The following DLGAP1 variants were observed in gnomAD, a reference collection of about 807,000 sequenced individuals.
DLGAP1 encodes disks large-associated protein 1.
A neutral mutation model predicts 90.8 loss-of-function variants in DLGAP1; 11 were observed. The ratio of observed to expected loss-of-function variants is 0.12; its 90% confidence interval spans 0.08 to 0.20. DLGAP1 has a LOEUF of 0.20. Among genes scored for constraint, DLGAP1 ranks in the 10% least tolerant of loss-of-function variants. The pLI, the probability that DLGAP1 is intolerant of heterozygous loss-of-function variation, is 1.00. For synonymous variants in DLGAP1, 558 were observed against 540.7 expected, an observed-to-expected ratio of 1.03 and a Z score of -0.44; for missense variants, 1,050 against 1,333.8, an observed-to-expected ratio of 0.79 and a Z score of 3.31.
intron 1 of DLGAP1, among the ~76,000 whole-genome samples, chr18:4,431,700 T>C (rs968444470): frequency 6.6e-6 from 1 of 152,208 alleles, no homozygotes; most frequent in Non-Finnish European, 1.5e-5. Context: ...TATTAATGAG[T>C]ACTTCTATTT....
chr18:3,534,460 G>C lies in DLGAP1; in HGVS notation c.2213C>G (p.Thr738Arg). ...RQFSRDASTSTVSIQGSGNHY... is the reference protein window; with the variant it reads ...RQFSRDASTSRVSIQGSGNHY... ...GTTTCCTGAGCCCTGAATGCTGACT[G>C]TGGAGGTGCTGGCATCGCGGGAGAA... The change falls in exon 10 of 13, where the codon ACA becomes AGA. Residue 738 changes from threonine (T) to arginine (R), a missense_variant. Physicochemically the swap from Thr to Arg is moderately conservative, Grantham distance 71 (BLOSUM62 -1). This residue lies in a region of DLGAP1 where 565 missense variants were observed against 879.7 expected (regional missense o/e 0.64). Coordinates refer to ENST00000315677, the MANE Select transcript of DLGAP1 (RefSeq NM_004746.4). 6.2e-7 allele frequency: 1 copy of C among 1,614,200 alleles called. No individual in the cohort carries two copies. The highest frequency in any genetic ancestry group is 8.5e-7 in the Non-Finnish European group (1 of 1,180,034).
At chr18:3,798,058 T>TA (rs1330988956) in intron 5 of DLGAP1, among the ~76,000 whole-genome samples, 24 of 152,214 alleles carry the variant, frequency 1.6e-4, no homozygotes, top group Admixed American at 3.3e-4. Flanking sequence ...GTGAGTCCAT[T>TA]AAACCTCTTT....
At chr18:3,837,254 T>C (rs879609928) in intron 4 of DLGAP1, among the ~76,000 whole-genome samples, 1 of 152,206 alleles carries the variant, frequency 6.6e-6, no homozygotes, top group Non-Finnish European at 1.5e-5. Flanking sequence ...TCCATTATGA[T>C]GAATTAGCTT....
chr18:3,768,207 C>T (rs961591764), intron 5 of DLGAP1, among the ~76,000 whole-genome samples: 1 of 152,086 alleles, frequency 6.6e-6, no homozygotes, highest in Non-Finnish European at 1.5e-5. Flanking sequence ...TTTACAACTG[C>T]TTAGAAAATA....
At chr18:3,771,259 T>G (rs369710936) in intron 5 of DLGAP1, 9 of 152,314 alleles carry the variant, frequency 5.9e-5, no homozygotes, top group African/African-American at 2.2e-4. Context: ...TCCGCTCTTG[T>G]TCTTCTCTCT....
At chr18:3,858,994 G>C (rs1178556501) in intron 4 of DLGAP1, among the ~76,000 whole-genome samples, 2 of 152,282 alleles carry the variant, frequency 1.3e-5, no homozygotes, top group South Asian at 2.1e-4. Flanking sequence ...TATATTTTAA[G>C]TGAGATGTTA....
chr18:4,279,861 T>C (rs1223060880), intron 1 of DLGAP1, among the ~76,000 whole-genome samples: 1 of 152,208 alleles, frequency 6.6e-6, no homozygotes, highest in Non-Finnish European at 1.5e-5. Flanking sequence ...CTAATTTTAT[T>C]GATGTTATTT....
intron 4 of DLGAP1, among the ~76,000 whole-genome samples, chr18:3,850,010 G>A (rs1054284496): frequency 2.0e-5 from 3 of 152,092 alleles, no homozygotes; most frequent in Non-Finnish European, 2.9e-5. Flanking sequence ...ACACTGTGAT[G>A]CCATTAAGGC....
intron 5 of DLGAP1, among the ~76,000 whole-genome samples, chr18:3,759,031 C>G (rs1165421807): frequency 6.6e-6 from 1 of 152,148 alleles, no homozygotes; most frequent in African/African-American, 2.4e-5. Context: ...GAGGAACAAA[C>G]TCCTATAGAC....
rs187247231 is a variant in DLGAP1 at position 4,319,925 on chromosome 18, T to C, written c.-267+135081A>G. Among the ~76,000 whole-genome samples, 143 of 152,248 alleles carry C rather than the reference T, an allele frequency of 9.4e-4. 1 individual carries two copies. Among genetic ancestry groups the C allele is most frequent in the African/African-American group, 3.3e-3 (137 of 41,550 alleles). On this transcript the variant is annotated intron_variant, in intron 1 of 12. Transcript: ENST00000315677. Reference sequence around the variant, plus strand: ...ATTCTGAGGCCTCTCCAACCACTCATTCTGGGGTCTCAGCCCTCCCACTCT... The same window carrying C: ...ATTCTGAGGCCTCTCCAACCACTCACTCTGGGGTCTCAGCCCTCCCACTCT...
intron 5 of DLGAP1, among the ~76,000 whole-genome samples, chr18:3,772,331 C>CTTTTCTTTCT (rs1457327435): frequency 1.9e-5 from 1 of 53,322 alleles, no homozygotes; most frequent in Non-Finnish European, 4.4e-5. Flanking sequence ...CCTTTCTCTC[C>CTTTTCTTTCT]TTCTCTCTCT....
chr18:3,941,601 T>A (rs1286738329), intron 3 of DLGAP1, among the ~76,000 whole-genome samples: 6 of 152,190 alleles, frequency 3.9e-5, no homozygotes, highest in African/African-American at 1.4e-4. Context: ...GAGAGAAATA[T>A]CTTCTTTATC....
chr18:4,375,616 T>A (rs548615589), intron 1 of DLGAP1, among the ~76,000 whole-genome samples: 1 of 152,150 alleles, frequency 6.6e-6, no homozygotes, highest in Non-Finnish European at 1.5e-5. Flanking sequence ...CTAGATTGAT[T>A]TGATTTCAAC....
intron 9 of DLGAP1, among the ~76,000 whole-genome samples, chr18:3,550,192 G>A (rs546170541): frequency 7.2e-5 from 11 of 152,208 alleles, no homozygotes; most frequent in East Asian, 5.8e-4. Context: ...AGTTACAGGC[G>A]TGAGCCACCA....
chr18:3,679,305 T>TA (rs1419838000), intron 7 of DLGAP1, among the ~76,000 whole-genome samples: 2 of 150,060 alleles, frequency 1.3e-5, no homozygotes, highest in African/African-American at 4.9e-5. Context: ...TTTTCCAACA[T>TA]AAAAAACAGT....
intron 1 of DLGAP1, among the ~76,000 whole-genome samples, chr18:4,265,670 TTCC>T (rs2079113190): frequency 2.6e-5 from 2 of 76,318 alleles, no homozygotes; most frequent in Non-Finnish European, 4.2e-5. Flanking sequence ...CCTCCCTTCC[TTCC>T]TTCCTTCCTT....
At chr18:4,415,345 T>C (rs1369926081) in intron 1 of DLGAP1, among the ~76,000 whole-genome samples, 1 of 152,196 alleles carries the variant, frequency 6.6e-6, no homozygotes, top group East Asian at 1.9e-4. Flanking sequence ...ACATGTGATA[T>C]GACAATGTTT....
intron 1 of DLGAP1, among the ~76,000 whole-genome samples, chr18:4,284,438 T>C (rs891170384): frequency 6.6e-6 from 1 of 152,112 alleles, no homozygotes; most frequent in African/African-American, 2.4e-5. Flanking sequence ...AACAAGGAGC[T>C]CTTGAGTTCG....
chr18:4,189,927 T>A (rs928895701), intron 1 of DLGAP1, among the ~76,000 whole-genome samples: 3 of 152,062 alleles, frequency 2.0e-5, no homozygotes, highest in Middle Eastern at 3.2e-3. Flanking sequence ...CAACAGGCGC[T>A]CCCATACATT....
Sources: gnomAD v4.1 joint callset for allele counts (sites outside exome capture counted in the v4.1 genomes callset) on GRCh38, gnomAD v4.1.1 for gene constraint, gnomAD v4.1.1 regional missense constraint, MANE v1.5 for transcripts, NCBI Gene and HGNC (gene_info 2026-07-23, HGNC 2026-07-21) for gene names.